The following NAPEPLD variants were observed in gnomAD, a reference collection of about 807,000 sequenced individuals.
NAPEPLD encodes the protein N-acyl phosphatidylethanolamine phospholipase D.
NAPEPLD carries 23 observed loss-of-function variants against 38.1 expected under a neutral mutation model. That is an observed-to-expected ratio of 0.60 (90% CI 0.43 to 0.86). The LOEUF (loss-of-function observed/expected upper bound fraction) is 0.86. Ranked by LOEUF, NAPEPLD falls within the 40% of genes least tolerant of loss-of-function variation. The pLI is 0.00. For missense variants in NAPEPLD, 411 were observed against 476.8 expected (o/e 0.86, Z 1.28); for synonymous variants, 147 against 162.0 (o/e 0.91, Z 0.71).
intron 4 of NAPEPLD, among the ~76,000 whole-genome samples, chr7:103,112,464 G>A (rs1010503653): frequency 9.9e-5 from 15 of 152,148 alleles, no homozygotes; most frequent in Admixed American, 7.2e-4. Flanking sequence ...GGACATGGAT[G>A]AAGCTGGAAA....
chr7:103,147,609 G>A (rs1036152445), intron 1 of NAPEPLD, among the ~76,000 whole-genome samples: 5 of 152,054 alleles, frequency 3.3e-5, no homozygotes, highest in African/African-American at 1.2e-4. Flanking sequence ...TACCCCTTTC[G>A]AACAAACACA....
intron 1 of NAPEPLD, among the ~76,000 whole-genome samples, chr7:103,138,608 G>C (rs1057188581): frequency 6.6e-6 from 1 of 151,786 alleles, no homozygotes; most frequent in Admixed American, 6.6e-5. Flanking sequence ...AGCTGGGATC[G>C]CAGGCACGCA....
upstream of NAPEPLD, chr7:103,149,371 G>C (rs1475196364): frequency 8.6e-7 from 1 of 1,168,528 alleles, no homozygotes; most frequent in African/African-American, 1.7e-5. Context: ...CGTAGCGGGA[G>C]GGGCGACCGC....
At chr7:103,105,601 C>T (rs1294612113) in intron 4 of NAPEPLD, among the ~76,000 whole-genome samples, 4 of 152,116 alleles carry the variant, frequency 2.6e-5, no homozygotes, top group Non-Finnish European at 5.9e-5. Flanking sequence ...TTATATTACA[C>T]GAGGCAGCTA....
At chr7:103,122,102 CTTT>C (rs576597640) in intron 2 of NAPEPLD, among the ~76,000 whole-genome samples, 2 of 141,272 alleles carry the variant, frequency 1.4e-5, no homozygotes, top group African/African-American at 2.6e-5. Flanking sequence ...GAGGAAGCAT[CTTT>C]TTTTTTTTTT....
chr7:103,143,391 A>T (rs904704601), intron 1 of NAPEPLD, among the ~76,000 whole-genome samples: 4 of 152,052 alleles, frequency 2.6e-5, no homozygotes, highest in Admixed American at 2.6e-4. Context: ...AAAAAAAAAA[A>T]ATCTTCTCTT....
chr7:103,119,699 C>CAA lies in NAPEPLD; in HGVS notation c.817_818dup (p.Leu273PhefsTer23), dbSNP rs1246850684. 6.2e-7 allele frequency: 1 copy of CAA among 1,614,148 alleles called. No individual in the cohort carries two copies. The highest frequency in any genetic ancestry group is 8.5e-7 in the Non-Finnish European group (1 of 1,180,020). On this transcript the variant is annotated frameshift_variant, in exon 3 of 5. Coordinates refer to ENST00000465647, the MANE Select transcript of NAPEPLD (RefSeq NM_001122838.3). LOFTEE classifies it high-confidence loss of function. ...CGAAAAAAAATCGATTCCAAGGCCC[C>CAA]AAGACAGACCAGCTGCCCCATAGCA...
chr7:103,125,916 AT>A (rs1189373885), intron 2 of NAPEPLD, among the ~76,000 whole-genome samples: 14 of 141,968 alleles, frequency 9.9e-5, no homozygotes, highest in Admixed American at 1.4e-4. Context: ...AATAATAATA[AT>A]AATAAATAAA....
At chr7:103,128,247 C>T (rs865807229) in intron 2 of NAPEPLD, 39 of 476,836 alleles carry the variant, frequency 8.2e-5, no homozygotes, top group African/African-American at 6.7e-4. Context: ...GTCAGCATCA[C>T]GTTCTTTCCT....
chr7:103,124,526 G>A (rs1585862481), intron 2 of NAPEPLD, among the ~76,000 whole-genome samples: 1 of 152,068 alleles, frequency 6.6e-6, no homozygotes, highest in Non-Finnish European at 1.5e-5. Context: ...ATGGACTCTT[G>A]TTTACTTGAG....
chr7:103,146,428 TGAGA>T (rs1251014392), intron 1 of NAPEPLD, among the ~76,000 whole-genome samples: 1 of 152,056 alleles, frequency 6.6e-6, no homozygotes, highest in Non-Finnish European at 1.5e-5. Flanking sequence ...TTCTTGTAAT[TGAGA>T]GAGATTACAA....
intron 4 of NAPEPLD, among the ~76,000 whole-genome samples, chr7:103,112,147 T>C (rs1347041267): frequency 1.3e-5 from 2 of 152,204 alleles, no homozygotes; most frequent in African/African-American, 2.4e-5. Flanking sequence ...GCTTTTACAC[T>C]GTTGGTGGGA....
At position 103,103,101 on chromosome 7, in the gene NAPEPLD, C is replaced by T. The variant is rs534419493; in HGVS notation, c.*328G>A. The T allele has an allele frequency of 1.4e-3, 225 of 164,536 alleles. 1 individual carries two copies. Among genetic ancestry groups the T allele is most frequent in the African/African-American group, 3.3e-3 (141 of 42,148 alleles). The allele number at this position is 164,536 out of a possible 1,614,324, so 10.2% of individuals were successfully genotyped here. On this transcript the variant is annotated 3_prime_UTR_variant, in exon 5 of 5. Transcript: ENST00000465647. ...AAAAAGAAAAATGAATCTTCAATAT[C>T]GGTTTTTCACCTCAGGAAATTCTAG... is the stretch of plus-strand genomic sequence containing the variant.
In NAPEPLD at chr7:103,100,823, A is replaced by G. The variant is rs1585806741; in HGVS notation, c.*2606T>C. ...TGAAAAATAAAGTGGAACCCACTCAATAAGGTGAGATTCTGTAAGCAGAGA... is the reference window on the plus strand; with the variant it reads ...TGAAAAATAAAGTGGAACCCACTCAGTAAGGTGAGATTCTGTAAGCAGAGA... On this transcript the variant is annotated 3_prime_UTR_variant, in exon 5 of 5. Coordinates refer to ENST00000465647, the MANE Select transcript of NAPEPLD (RefSeq NM_001122838.3). 2 of 152,372 alleles carry G rather than the reference A, an allele frequency of 1.3e-5. No individual in the cohort carries two copies. Among genetic ancestry groups the G allele is most frequent in the East Asian group, 3.9e-4 (2 of 5,194 alleles). 9.4% of individuals were successfully genotyped at this position (152,372 alleles called of 1,614,324 possible). A position where few individuals can be genotyped will look rare whatever the true frequency, so the allele number is the denominator to read the frequency against.
chr7:103,133,103 G>A (rs1056288117), intron 1 of NAPEPLD, among the ~76,000 whole-genome samples: 4 of 152,242 alleles, frequency 2.6e-5, no homozygotes, highest in South Asian at 2.1e-4. Flanking sequence ...TTTTTTGAGG[G>A]CAAAGGTCAG....
At chr7:103,141,809 A>G in intron 1 of NAPEPLD, 1 of 903,038 alleles carries the variant, frequency 1.1e-6, no homozygotes, top group Non-Finnish European at 1.9e-6. Flanking sequence ...ATCTTTGATC[A>G]GCTTCCGGAT....
At chr7:103,125,917 T>TAAATA (rs577677802) in intron 2 of NAPEPLD, among the ~76,000 whole-genome samples, 1 of 146,266 alleles carries the variant, frequency 6.8e-6, no homozygotes, top group African/African-American at 2.5e-5. Context: ...ATAATAATAA[T>TAAATA]AATAAATAAA....
At chr7:103,144,444 C>T (rs1321824070) in intron 1 of NAPEPLD, among the ~76,000 whole-genome samples, 1 of 152,128 alleles carries the variant, frequency 6.6e-6, no homozygotes, top group Non-Finnish European at 1.5e-5. Flanking sequence ...TTTCATTACT[C>T]AATTTTTCTA....
chr7:103,127,735 G>A (rs1322723362), intron 2 of NAPEPLD: 2 of 152,236 alleles, frequency 1.3e-5, no homozygotes, highest in African/African-American at 2.4e-5. Flanking sequence ...TGAAAGAGAT[G>A]TTGTTAACAC....
Sources: allele counts gnomAD v4.1 joint callset (sites outside exome capture counted in the v4.1 genomes callset), GRCh38; gene constraint gnomAD v4.1.1; transcripts MANE v1.5; gene names NCBI Gene and HGNC (gene_info 2026-07-23, HGNC 2026-07-21).